Variants in CDH12 observed in about 807,000 individuals in gnomAD.
CDH12 encodes cadherin-12.
In CDH12, 41 loss-of-function variants were observed where a neutral mutation model predicts 74.1. The ratio of observed to expected loss-of-function variants is 0.55; its 90% confidence interval spans 0.43 to 0.72. CDH12 has a LOEUF of 0.72. Among genes scored for constraint, CDH12 ranks in the 30% least tolerant of loss-of-function variants. CDH12 has a pLI of 0.00. For synonymous variants in CDH12, 399 were observed against 355.0 expected, an observed-to-expected ratio of 1.12 and a Z score of -1.39; for missense variants, 945 against 977.2, an observed-to-expected ratio of 0.97 and a Z score of 0.44.
At chr5:22,342,601 TTCTTA>T (rs1739906977) in intron 3 of CDH12, among the ~76,000 whole-genome samples, 1 of 135,012 alleles carries the variant, frequency 7.4e-6, no homozygotes, top group African/African-American at 2.7e-5. Flanking sequence ...CTTTCTCTCT[TTCTTA>T]CTTTTTTCTT....
At chr5:22,521,426 T>C (rs1313182766) in intron 1 of CDH12, among the ~76,000 whole-genome samples, 1 of 152,070 alleles carries the variant, frequency 6.6e-6, no homozygotes, top group African/African-American at 2.4e-5. Flanking sequence ...AACTTATATT[T>C]AGTTAGGTCT....
intron 11 of CDH12, among the ~76,000 whole-genome samples, chr5:21,775,794 T>C (rs1015265053): frequency 1.3e-5 from 2 of 152,178 alleles, no homozygotes; most frequent in Non-Finnish European, 2.9e-5. Flanking sequence ...ATATTTAATG[T>C]ATTTAGCCAG....
At chr5:21,968,938 T>C (rs1460767532) in intron 6 of CDH12, among the ~76,000 whole-genome samples, 4 of 148,390 alleles carry the variant, frequency 2.7e-5, no homozygotes, top group Admixed American at 2.0e-4. Context: ...TAAGAACACA[T>C]GGACACAGGG....
chr5:22,744,987 C>A (rs1472173909), intron 1 of CDH12, among the ~76,000 whole-genome samples: 4 of 151,684 alleles, frequency 2.6e-5, no homozygotes, highest in Non-Finnish European at 4.4e-5. Flanking sequence ...ATATAATTAA[C>A]ACTCAATAAT....
At chr5:22,128,556 C>T (rs1242122824) in intron 4 of CDH12, among the ~76,000 whole-genome samples, 2 of 152,064 alleles carry the variant, frequency 1.3e-5, no homozygotes, top group African/African-American at 4.8e-5. Context: ...CACATGATCT[C>T]TCAAGATACA....
chr5:22,308,101 T>C (rs186125624), intron 3 of CDH12, among the ~76,000 whole-genome samples: 55 of 151,960 alleles, frequency 3.6e-4, no homozygotes, highest in Non-Finnish European at 5.9e-4. Flanking sequence ...AGGATGGTCT[T>C]GATCTCCTGA....
chr5:22,232,227 T>G (rs1158008201), intron 3 of CDH12, among the ~76,000 whole-genome samples: 1 of 151,840 alleles, frequency 6.6e-6, no homozygotes, highest in Non-Finnish European at 1.5e-5. Context: ...TTTCTTGGAT[T>G]TGGAAACAAT....
intron 4 of CDH12, among the ~76,000 whole-genome samples, chr5:22,097,669 C>A (rs547848854): frequency 4.6e-5 from 7 of 152,204 alleles, no homozygotes; most frequent in South Asian, 2.1e-4. Context: ...TCACTGCCAC[C>A]TTTTCCCCCA....
chr5:21,799,216 T>C (rs1746975708), intron 10 of CDH12, among the ~76,000 whole-genome samples: 1 of 152,194 alleles, frequency 6.6e-6, no homozygotes, highest in African/African-American at 2.4e-5. Flanking sequence ...CATGGTCTAG[T>C]ATTTTGTGGA....
Position 22,102,547 on chromosome 5 carries a change from T to C in CDH12, c.-186-23685A>G, listed in dbSNP as rs186208003. On this transcript the variant is annotated intron_variant, in intron 4 of 14. Transcript: ENST00000382254. ...AGCTAGGCATGGTGGCGGTCACTTGTAGTCCCAGCTACCTGGGAGGCTGAG... is the reference window on the plus strand; with the variant it reads ...AGCTAGGCATGGTGGCGGTCACTTGCAGTCCCAGCTACCTGGGAGGCTGAG... 3.4e-4 allele frequency among the ~76,000 whole-genome samples: 52 copies of C among 152,120 alleles called. 1 individual carries two copies. The highest frequency in any genetic ancestry group is 3.4e-3 in the Middle Eastern group (1 of 294).
chr5:22,436,728 A>G (rs541143277), intron 2 of CDH12, among the ~76,000 whole-genome samples: 1 of 152,138 alleles, frequency 6.6e-6, no homozygotes, highest in African/African-American at 2.4e-5. Flanking sequence ...AAAAAATAAA[A>G]CCCATTTTTG....
intron 5 of CDH12, among the ~76,000 whole-genome samples, chr5:22,009,700 C>T (rs749433867): frequency 5.3e-5 from 8 of 151,564 alleles, no homozygotes; most frequent in African/African-American, 1.2e-4. Flanking sequence ...GTAGTTGGCC[C>T]GGCGCGGTGA....
At chr5:21,863,203 T>C (rs1181282148) in intron 6 of CDH12, among the ~76,000 whole-genome samples, 4 of 152,112 alleles carry the variant, frequency 2.6e-5, no homozygotes, top group Non-Finnish European at 5.9e-5. Flanking sequence ...ATGCTGTGAC[T>C]ACTCACACTT....
chr5:22,521,294 T>C (rs1173691589), intron 1 of CDH12, among the ~76,000 whole-genome samples: 1 of 151,974 alleles, frequency 6.6e-6, no homozygotes, highest in Non-Finnish European at 1.5e-5. Flanking sequence ...ATGAATTGCA[T>C]TTTTAAACTC....
intron 1 of CDH12, among the ~76,000 whole-genome samples, chr5:22,654,232 C>A (rs1465205527): frequency 1.5e-5 from 2 of 137,382 alleles, no homozygotes; most frequent in Non-Finnish European, 3.2e-5. Context: ...TTCTTTGTTT[C>A]TTTGTTTCTT....
intron 3 of CDH12, among the ~76,000 whole-genome samples, chr5:22,394,088 A>G (rs1169932012): frequency 1.3e-5 from 2 of 152,190 alleles, no homozygotes; most frequent in Non-Finnish European, 2.9e-5. Flanking sequence ...TGCAAAGAAT[A>G]CTACAATTAG....
At chr5:21,799,096 A>G (rs1292527789) in intron 10 of CDH12, among the ~76,000 whole-genome samples, 1 of 152,208 alleles carries the variant, frequency 6.6e-6, no homozygotes, top group Non-Finnish European at 1.5e-5. Context: ...GTTGGTAGAT[A>G]TATGGACAGT....
At chr5:22,767,336 A>T (rs1561016659) in intron 1 of CDH12, among the ~76,000 whole-genome samples, 1 of 152,050 alleles carries the variant, frequency 6.6e-6, no homozygotes, top group East Asian at 1.9e-4. Flanking sequence ...ATTATTAATC[A>T]ATAGTCATTT....
At chr5:22,239,722 G>A (rs1752682386) in intron 3 of CDH12, among the ~76,000 whole-genome samples, 1 of 152,178 alleles carries the variant, frequency 6.6e-6, no homozygotes, top group South Asian at 2.1e-4. Context: ...CAACAGTGAA[G>A]TGCCAGCATG....
Sources: gnomAD v4.1 joint callset for allele counts (sites outside exome capture counted in the v4.1 genomes callset) on GRCh38, gnomAD v4.1.1 for gene constraint, MANE v1.5 for transcripts, NCBI Gene and HGNC (gene_info 2026-07-23, HGNC 2026-07-21) for gene names.